The following GKAP1 variants were observed in gnomAD, a reference collection of about 807,000 sequenced individuals.
The protein encoded by GKAP1 is G kinase anchoring protein 1.
GKAP1 carries 31 observed loss-of-function variants against 56.7 expected under a neutral mutation model. That is an observed-to-expected ratio of 0.55 (90% CI 0.41 to 0.74). GKAP1 has a LOEUF of 0.74. Among genes scored for constraint, GKAP1 ranks in the 30% least tolerant of loss-of-function variants. The pLI, the probability that GKAP1 is intolerant of heterozygous loss-of-function variation, is 0.00. For synonymous variants in GKAP1, 151 were observed against 138.6 expected (o/e 1.09, Z -0.63); for missense variants, 364 against 402.3 (o/e 0.90, Z 0.82).
intron 4 of GKAP1, among the ~76,000 whole-genome samples, chr9:83,791,955 T>C (rs1432830402): frequency 6.6e-6 from 1 of 152,204 alleles, no homozygotes; most frequent in Non-Finnish European, 1.5e-5. Context: ...AGAATAGATA[T>C]ACTATGGGAT....
At chr9:83,788,564 A>T (rs756447156) in intron 5 of GKAP1, 37 bp downstream of exon 5, 44 of 1,231,562 alleles carry the variant, frequency 3.6e-5, no homozygotes, top group Non-Finnish European at 9.2e-6. Context: ...CACCACTTAA[A>T]CTTCTAAAAT....
intron 4 of GKAP1, among the ~76,000 whole-genome samples, 165 bp downstream of exon 4, chr9:83,799,020 T>A (rs994524786): frequency 6.6e-6 from 1 of 152,166 alleles, no homozygotes; most frequent in Non-Finnish European, 1.5e-5. Flanking sequence ...CACTTTTGTT[T>A]TTCAGTAGAT....
intron 6 of GKAP1, among the ~76,000 whole-genome samples, chr9:83,782,842 T>C (rs1217732847): frequency 6.6e-6 from 1 of 151,738 alleles, no homozygotes; most frequent in Non-Finnish European, 1.5e-5. Flanking sequence ...CTACTCTTTG[T>C]ATTTTTAGTA....
chr9:83,750,843 A>T (rs892607426), intron 9 of GKAP1, among the ~76,000 whole-genome samples: 2 of 151,664 alleles, frequency 1.3e-5, no homozygotes, highest in Non-Finnish European at 2.9e-5. Context: ...ATTTTATTTC[A>T]TTTATTTTTT....
intron 8 of GKAP1, among the ~76,000 whole-genome samples, chr9:83,756,470 CAAAAA>C (rs142896755): frequency 2.7e-5 from 2 of 75,424 alleles, no homozygotes; most frequent in African/African-American, 1.0e-4. Context: ...GACTCCATCT[CAAAAA>C]AAAAAAAAAA....
chr9:83,770,539 A>G (rs1943739585), intron 7 of GKAP1, among the ~76,000 whole-genome samples: 1 of 151,296 alleles, frequency 6.6e-6, no homozygotes, highest in Non-Finnish European at 1.5e-5. Context: ...TTATAGTTTT[A>G]TGTTGCTCAA....
At chr9:83,812,953 T>C (rs535986480) in intron 2 of GKAP1, among the ~76,000 whole-genome samples, 21 of 152,340 alleles carry the variant, frequency 1.4e-4, no homozygotes, top group Non-Finnish European at 2.1e-4. Flanking sequence ...AGTCATGTTA[T>C]GCAATCCAGG....
rs567700136 is a variant in GKAP1 at position 83,742,629 on chromosome 9, G to A, written c.905-29C>T. ...ACAAAAAAGGAAAAACAGCAGTATA[G>A]ATTTTCCAGTCACCCAAATACTTCA... On this transcript the variant is annotated intron_variant, in intron 10 of 12. Coordinates refer to ENST00000376371, the MANE Select transcript of GKAP1 (RefSeq NM_025211.4). 5 of 1,493,986 alleles carry A rather than the reference G, an allele frequency of 3.3e-6. No individual in the cohort carries two copies. In the African/African-American group the frequency reaches 6.9e-5, roughly 21 times the overall value. The allele number at this position is 1,493,986 out of a possible 1,614,324, so 92.5% of individuals were successfully genotyped here. A position where few individuals can be genotyped will look rare whatever the true frequency, so the allele number is the denominator to read the frequency against.
intron 5 of GKAP1, among the ~76,000 whole-genome samples, chr9:83,788,060 C>T (rs1283054977): frequency 2.0e-5 from 3 of 152,160 alleles, no homozygotes; most frequent in African/African-American, 4.8e-5. Flanking sequence ...GGTGGATCAG[C>T]AGAGCTCAGG....
intron 9 of GKAP1, 119 bp downstream of exon 9, chr9:83,753,139 T>C: frequency 3.2e-6 from 2 of 619,062 alleles, no homozygotes; most frequent in Non-Finnish European, 5.7e-6. Context: ...TTTAAGAACA[T>C]AAAAAACAGA....
intron 7 of GKAP1, among the ~76,000 whole-genome samples, chr9:83,773,417 T>C (rs184155885): frequency 1.3e-5 from 2 of 152,288 alleles, no homozygotes; most frequent in African/African-American, 4.8e-5. Context: ...TCTGAGATTA[T>C]GGAAATGTTC....
chr9:83,792,086 C>A (rs1322645459), intron 4 of GKAP1, among the ~76,000 whole-genome samples: 3 of 152,190 alleles, frequency 2.0e-5, no homozygotes, highest in African/African-American at 4.8e-5. Flanking sequence ...TCCACCCATG[C>A]TAGCTGTGAC....
At position 83,748,476 on chromosome 9, in the gene GKAP1, T is replaced by C. The variant is rs930900394; in HGVS notation, c.841-104A>G. On this transcript the variant is annotated intron_variant, in intron 9 of 12. Transcript: ENST00000376371. ...TCTGAATTCTTGGCTTGCTCAAAGA[T>C]ATAATTACTTTAGAAACAAACAGGA... is the stretch of plus-strand genomic sequence containing the variant. 5 of 620,178 alleles carry C rather than the reference T, an allele frequency of 8.1e-6. No homozygotes were observed. The African/African-American group carries it at 9.4e-5, about 12-fold the overall frequency. The allele number at this position is 620,178 out of a possible 1,614,324, so 38.4% of individuals were successfully genotyped here. A position where few individuals can be genotyped will look rare whatever the true frequency, so the allele number is the denominator to read the frequency against.
chr9:83,794,320 A>C (rs1177196987), intron 4 of GKAP1, among the ~76,000 whole-genome samples: 2 of 152,222 alleles, frequency 1.3e-5, no homozygotes, highest in African/African-American at 2.4e-5. Flanking sequence ...TTCCAGCATA[A>C]AAGTGATTAA....
chr9:83,748,229 G>A, intron 10 of GKAP1, 80 bp downstream of exon 10: 1 of 909,614 alleles, frequency 1.1e-6, no homozygotes, highest in Non-Finnish European at 1.7e-6. Flanking sequence ...TGTTGAGTTG[G>A]TAAATCACAC....
At chr9:83,742,087 T>C in intron 11 of GKAP1, 58 bp from the exon 12 acceptor site, 1 of 979,488 alleles carries the variant, frequency 1.0e-6, no homozygotes, top group Non-Finnish European at 1.6e-6. Context: ...AAATACTCAA[T>C]TCTTAACATA....
At chr9:83,742,138 C>A in intron 11 of GKAP1, 109 bp from the exon 12 acceptor site, 1 of 688,040 alleles carries the variant, frequency 1.5e-6, no homozygotes, top group Non-Finnish European at 2.5e-6. Flanking sequence ...GGATGAGTAA[C>A]AGAGAAGCTC....
chr9:83,759,346 G>A (rs1194733684), intron 8 of GKAP1, among the ~76,000 whole-genome samples: 1 of 151,946 alleles, frequency 6.6e-6, no homozygotes, highest in East Asian at 1.9e-4. Flanking sequence ...ATGCAGCCTT[G>A]ACTTCTCAGG....
intron 4 of GKAP1, among the ~76,000 whole-genome samples, chr9:83,793,809 T>C (rs763871320): frequency 7.9e-5 from 12 of 152,210 alleles, no homozygotes; most frequent in Non-Finnish European, 1.8e-4. Flanking sequence ...AAAATTAAGA[T>C]AATGAATATT....
Sources: allele counts gnomAD v4.1 joint callset (sites outside exome capture counted in the v4.1 genomes callset), GRCh38; gene constraint gnomAD v4.1.1; transcripts MANE v1.5; gene names NCBI Gene and HGNC (gene_info 2026-07-23, HGNC 2026-07-21).